The following GPR143 variants were observed in gnomAD, a reference collection of about 807,000 sequenced individuals.
GPR143 encodes G-protein coupled receptor 143.
A neutral mutation model predicts 27.6 loss-of-function variants in GPR143; 8 were observed. That is an observed-to-expected ratio of 0.29 (90% confidence interval 0.17 to 0.52). GPR143 has a LOEUF of 0.52. GPR143 is among the 20% of genes least tolerant of loss of function. GPR143 has a pLI of 0.96. For missense variants in GPR143, 303 were observed against 343.1 expected (o/e 0.88, Z 0.92); for synonymous variants, 156 against 153.2 (o/e 1.02, Z -0.13).
At chrX:9,737,420 G>C (rs762389637) in intron 8 of GPR143, among the ~76,000 whole-genome samples, 4 of 112,219 alleles carry the variant, frequency 3.6e-5, no homozygotes, top group Non-Finnish European at 7.5e-5. Context: ...TACAACATGG[G>C]CGAATCTAGA....
At chrX:9,763,571 G>T (rs2083513137) in intron 1 of GPR143, among the ~76,000 whole-genome samples, 1 of 111,750 alleles carries the variant, frequency 8.9e-6, no homozygotes, top group Non-Finnish European at 1.9e-5. Context: ...GGATGATGGA[G>T]CCTGAGATTG....
At chrX:9,728,399 CAA>C (rs59182343) in intron 8 of GPR143, among the ~76,000 whole-genome samples, 2,710 of 77,101 alleles carry the variant, frequency 0.035, 105 homozygotes, top group African/African-American at 0.11. Flanking sequence ...TGTTAAGGAA[CAA>C]AAAAAAAAAA....
chrX:9,725,693 C>A lies in GPR143; in HGVS notation c.*53G>T. 1 of 939,626 alleles carries A rather than the reference C, an allele frequency of 1.1e-6. No homozygotes were observed. Among genetic ancestry groups the A allele is most frequent in the Admixed American group, 2.3e-5 (1 of 43,861 alleles). The allele number at this position is 939,626 out of a possible 1,213,427, so 77.4% of individuals were successfully genotyped here. A position where few individuals can be genotyped will look rare whatever the true frequency, so the allele number is the denominator to read the frequency against. On this transcript the variant is annotated 3_prime_UTR_variant, in exon 9 of 9. Transcript: ENST00000467482. ...AAGGTGAGAACACAGTTCTAAAGAA[C>A]AAGAATTGTTGAGTCTGAGGAATAT...
intron 4 of GPR143, among the ~76,000 whole-genome samples, chrX:9,746,921 G>A (rs927739539): frequency 3.8e-5 from 4 of 106,385 alleles, no homozygotes; most frequent in Non-Finnish European, 5.8e-5. Flanking sequence ...CAGCCTCATG[G>A]CCACGGAAGG....
At chrX:9,748,722 G>A (rs2083439266) in intron 3 of GPR143, 56 bp from the exon 4 acceptor site, 3 of 806,704 alleles carry the variant, frequency 3.7e-6, no homozygotes, top group African/African-American at 4.0e-5. Context: ...GGCCTGCCTG[G>A]AACTGCCAGG....
intron 4 of GPR143, among the ~76,000 whole-genome samples, chrX:9,746,715 T>A (rs1233127083): frequency 9.0e-6 from 1 of 110,746 alleles, no homozygotes; most frequent in Non-Finnish European, 1.9e-5. Context: ...TGAGGGGTCA[T>A]AGGAGTCACT....
At chrX:9,732,113 G>A (rs1210608226) in intron 8 of GPR143, among the ~76,000 whole-genome samples, 1 of 112,034 alleles carries the variant, frequency 8.9e-6, no homozygotes, top group Admixed American at 9.5e-5. Flanking sequence ...TTGGATAAAT[G>A]GGGACTTAAG....
chrX:9,747,009 TAAAAAAAAAAAAAA>T lies in GPR143; in HGVS notation c.549-870_549-857del, dbSNP rs56761188. Among the ~76,000 whole-genome samples, 7 of 37,629 alleles carry T rather than the reference TAAAAAAAAAAAAAA, an allele frequency of 1.9e-4. No homozygotes were observed. The East Asian group carries it at 5.2e-3, about 28-fold the overall frequency. 32.7% of individuals were successfully genotyped at this position (37,629 alleles called of 115,157 possible). ...CCAGAGGGGAAAGTGGCAGAAAATG[TAAAAAAAAAAAAAA>T]AAAAAAAAAAAAAAATCAGGTGGGA... On this transcript the variant is annotated intron_variant, in intron 4 of 8. Transcript: ENST00000467482.
At chrX:9,732,032 AAG>A (rs1233049204) in intron 8 of GPR143, among the ~76,000 whole-genome samples, 15 of 112,275 alleles carry the variant, frequency 1.3e-4, no homozygotes, top group South Asian at 3.6e-4. Flanking sequence ...ATTATAGAAA[AAG>A]AGATCTGTGA....
intron 7 of GPR143, among the ~76,000 whole-genome samples, chrX:9,740,314 G>C (rs940807947): frequency 2.7e-5 from 3 of 112,660 alleles, no homozygotes; most frequent in East Asian, 2.8e-4. Context: ...TCCAAACCAC[G>C]TGCAGGGATG....
chrX:9,757,661 A>G (rs2083478858), intron 3 of GPR143, among the ~76,000 whole-genome samples: 2 of 111,703 alleles, frequency 1.8e-5, no homozygotes, highest in Non-Finnish European at 3.8e-5. Context: ...ATGGTGTAAC[A>G]TCGATAACGG....
intron 1 of GPR143, among the ~76,000 whole-genome samples, chrX:9,775,812 C>A (rs2083569260): frequency 8.9e-6 from 1 of 112,138 alleles, no homozygotes; most frequent in South Asian, 3.7e-4. Flanking sequence ...ACTGTGGTTT[C>A]AAGGAAGTGT....
At chrX:9,757,057 T>C (rs756262145) in intron 3 of GPR143, among the ~76,000 whole-genome samples, 3 of 112,801 alleles carry the variant, frequency 2.7e-5, no homozygotes, top group Non-Finnish European at 5.6e-5. Flanking sequence ...TACACTGGAA[T>C]ATTATTTAGC....
At chrX:9,727,365 C>G (rs1736603445) in intron 8 of GPR143, among the ~76,000 whole-genome samples, 1 of 113,134 alleles carries the variant, frequency 8.8e-6, no homozygotes, top group South Asian at 3.6e-4. Context: ...AACTCCCTGC[C>G]TTGCTCACTC....
chrX:9,759,218 A>G, intron 3 of GPR143, 114 bp downstream of exon 3: 1 of 535,744 alleles, frequency 1.9e-6, no homozygotes, highest in Non-Finnish European at 3.3e-6. Context: ...CAGCTGACAG[A>G]TTCTGAATGA....
chrX:9,775,154 G>A (rs148811026), intron 1 of GPR143, among the ~76,000 whole-genome samples: 1 of 112,218 alleles, frequency 8.9e-6, no homozygotes, highest in East Asian at 2.8e-4. Context: ...GAAAGGAATG[G>A]GTTTTGAACA....
chrX:9,752,123 C>G (rs930506284), intron 3 of GPR143, among the ~76,000 whole-genome samples: 1 of 112,686 alleles, frequency 8.9e-6, no homozygotes, highest in African/African-American at 3.2e-5. Flanking sequence ...TACTGGCATG[C>G]AATGGCACAA....
chrX:9,740,693 C>T (rs1460197802), intron 7 of GPR143: 5 of 288,128 alleles, frequency 1.7e-5, no homozygotes, highest in Non-Finnish European at 1.8e-5. Context: ...TCATTTTTAA[C>T]ATCTGAGTAA....
chrX:9,743,443 A>G, intron 6 of GPR143, 122 bp downstream of exon 6: 2 of 520,399 alleles, frequency 3.8e-6, no homozygotes. Flanking sequence ...GCACAGTCTC[A>G]AAGATTTCCT....
Sources: allele counts gnomAD v4.1 joint callset (sites outside exome capture counted in the v4.1 genomes callset), GRCh38; gene constraint gnomAD v4.1.1; transcripts MANE v1.5; gene names NCBI Gene and HGNC (gene_info 2026-07-23, HGNC 2026-07-21).